TNIK: variants seen among roughly 807,000 people sequenced by gnomAD.
The protein encoded by TNIK is TRAF2 and NCK-interacting protein kinase.
Under a neutral mutation model 191.3 loss-of-function variants are expected in TNIK, and 49 were observed. The ratio of observed to expected loss-of-function variants is 0.26; its 90% CI spans 0.20 to 0.32. TNIK has a LOEUF of 0.32. TNIK is among the 10% of genes least tolerant of loss of function. The pLI, the probability that TNIK is intolerant of heterozygous loss-of-function variation, is 1.00. For missense variants in TNIK, 1,155 were observed against 1,702.3 expected (o/e 0.68, Z 5.66); for synonymous variants, 594 against 600.9 (o/e 0.99, Z 0.17).
intron 2 of TNIK, among the ~76,000 whole-genome samples, chr3:171,318,478 A>G (rs1441012524): frequency 3.9e-5 from 6 of 152,120 alleles, no homozygotes; most frequent in Admixed American, 2.6e-4. Context: ...AAATTTCTTA[A>G]GTTAATTCTT....
chr3:171,356,341 G>A lies in TNIK; in HGVS notation c.123+13279C>T, dbSNP rs150512022. Among the ~76,000 whole-genome samples the A allele has an allele frequency of 3.7e-4, 57 of 152,174 alleles. 1 individual carries two copies. Among genetic ancestry groups the A allele is most frequent in the African/African-American group, 1.3e-3 (53 of 41,526 alleles). On this transcript the variant is annotated intron_variant, in intron 2 of 32. Transcript: ENST00000436636. ...AAATGTAAGTAGCCCAAGGTATGCC[G>A]CTTCCTTTTTTGTAGGTGGAAAAGA...
At chr3:171,156,076 T>C (rs1424568405) in intron 12 of TNIK, among the ~76,000 whole-genome samples, 1 of 152,240 alleles carries the variant, frequency 6.6e-6, no homozygotes, top group Non-Finnish European at 1.5e-5. Flanking sequence ...CTCAGTTTCT[T>C]CTTTGTTAAA....
At chr3:171,316,812 G>A (rs927821447) in intron 2 of TNIK, among the ~76,000 whole-genome samples, 24 of 151,502 alleles carry the variant, frequency 1.6e-4, no homozygotes, top group Admixed American at 9.2e-4. Context: ...GAGTATTTGC[G>A]TATTTTATAT....
intron 3 of TNIK, among the ~76,000 whole-genome samples, chr3:171,215,030 G>A (rs571085341): frequency 7.8e-4 from 118 of 152,184 alleles, no homozygotes; most frequent in African/African-American, 2.7e-3. Context: ...TTGAACCTGG[G>A]CTTAGCCACA....
chr3:171,320,850 T>C (rs149165367), intron 2 of TNIK, among the ~76,000 whole-genome samples: 2 of 152,170 alleles, frequency 1.3e-5, no homozygotes, highest in African/African-American at 4.8e-5. Context: ...AGAAAACACA[T>C]AGTTGGCTAT....
chr3:171,389,419 G>C (rs1361750660), intron 1 of TNIK, among the ~76,000 whole-genome samples: 1 of 152,140 alleles, frequency 6.6e-6, no homozygotes, highest in Non-Finnish European at 1.5e-5. Context: ...TGCCTGCTCT[G>C]TGCCAGTTCT....
At chr3:171,449,597 G>GA (rs564708321) in intron 1 of TNIK, among the ~76,000 whole-genome samples, 4,583 of 151,880 alleles carry the variant, frequency 0.03, 243 homozygotes, top group African/African-American at 0.1. Flanking sequence ...CCATGCATAG[G>GA]AAAAAACTAC....
At chr3:171,441,411 C>T (rs1726783552) in intron 1 of TNIK, among the ~76,000 whole-genome samples, 1 of 152,192 alleles carries the variant, frequency 6.6e-6, no homozygotes, top group South Asian at 2.1e-4. Context: ...ATACAATATG[C>T]AATCATTGTG....
rs1270220488 is a variant in TNIK at position 171,059,583 on chromosome 3, T to C, written c.*4298A>G. ...GCAAATTCTCAAGAGGTTTTCTTCTTTGCTGGGACTCCTGAAAAGTGATCA... is the reference window on the plus strand; with the variant it reads ...GCAAATTCTCAAGAGGTTTTCTTCTCTGCTGGGACTCCTGAAAAGTGATCA... On this transcript the variant is annotated 3_prime_UTR_variant, in exon 33 of 33. Coordinates refer to ENST00000436636, the MANE Select transcript of TNIK (RefSeq NM_015028.4). Among the ~76,000 whole-genome samples the C allele has an allele frequency of 6.6e-6, 1 of 152,170 alleles. No individual in the cohort carries two copies. The highest frequency in any genetic ancestry group is 1.5e-5 in the Non-Finnish European group (1 of 68,016).
intron 22 of TNIK, among the ~76,000 whole-genome samples, chr3:171,098,770 C>T (rs1723059120): frequency 6.6e-6 from 1 of 151,890 alleles, no homozygotes; most frequent in Admixed American, 6.6e-5. Flanking sequence ...GCACTCTGGC[C>T]CCCAAATACT....
intron 1 of TNIK, among the ~76,000 whole-genome samples, chr3:171,436,469 T>C (rs1039481658): frequency 6.6e-6 from 1 of 152,262 alleles, no homozygotes. Context: ...GTACTGTTAT[T>C]GTTACCTCCA....
At chr3:171,229,335 G>A (rs958338603) in intron 2 of TNIK, among the ~76,000 whole-genome samples, 2 of 152,220 alleles carry the variant, frequency 1.3e-5, no homozygotes, top group African/African-American at 4.8e-5. Flanking sequence ...TCTCATCGAT[G>A]TATTTCCAGT....
chr3:171,251,055 A>C (rs1196360692), intron 2 of TNIK, among the ~76,000 whole-genome samples: 1 of 152,240 alleles, frequency 6.6e-6, no homozygotes, highest in African/African-American at 2.4e-5. Flanking sequence ...CAGAAGGAAA[A>C]CCAGAATAAC....
chr3:171,312,421 G>A (rs796609958), intron 2 of TNIK, among the ~76,000 whole-genome samples: 9 of 152,082 alleles, frequency 5.9e-5, no homozygotes, highest in African/African-American at 2.2e-4. Context: ...CATCTAGAGG[G>A]TGGTAGCCTG....
chr3:171,376,131 C>T (rs753510461), intron 1 of TNIK, among the ~76,000 whole-genome samples: 1 of 152,202 alleles, frequency 6.6e-6, no homozygotes, highest in African/African-American at 2.4e-5. Context: ...TCAGCCCTAA[C>T]TGACAAGCAT....
intron 3 of TNIK, among the ~76,000 whole-genome samples, chr3:171,214,405 C>T (rs541919429): frequency 6.6e-6 from 1 of 152,242 alleles, no homozygotes; most frequent in South Asian, 2.1e-4. Flanking sequence ...GTATCTTTTC[C>T]TTTGTAGCAC....
intron 24 of TNIK, among the ~76,000 whole-genome samples, chr3:171,085,975 C>T (rs1459145792): frequency 6.6e-6 from 1 of 152,104 alleles, no homozygotes; most frequent in Non-Finnish European, 1.5e-5. Flanking sequence ...ACAGTAAACT[C>T]AATATCAGGG....
Position 171,101,651 on chromosome 3 carries a change from G to T in TNIK, c.2407-18C>A. On this transcript the variant is annotated intron_variant, in intron 21 of 32. Transcript: ENST00000436636. Reference sequence around the variant, plus strand: ...GTCAGATCCTATGAAAGAAAAATTTGTTCAGCATATGAGTGGTAGATACGA... The same window carrying T: ...GTCAGATCCTATGAAAGAAAAATTTTTTCAGCATATGAGTGGTAGATACGA... 1 of 1,610,578 alleles carries T rather than the reference G, an allele frequency of 6.2e-7. No homozygotes were observed. The highest frequency in any genetic ancestry group is 2.2e-5 in the East Asian group (1 of 44,800).
intron 4 of TNIK, among the ~76,000 whole-genome samples, chr3:171,209,097 G>GTGTGTGTA (rs2108902934): frequency 6.6e-6 from 1 of 151,400 alleles, no homozygotes; most frequent in East Asian, 1.9e-4. Context: ...GTGTGTGTGT[G>GTGTGTGTA]TATGCCAACT....
Sources: gnomAD v4.1 joint callset for allele counts (sites outside exome capture counted in the v4.1 genomes callset) on GRCh38, gnomAD v4.1.1 for gene constraint, MANE v1.5 for transcripts, NCBI Gene and HGNC (gene_info 2026-07-23, HGNC 2026-07-21) for gene names.